The following ZNF614 variants were observed in gnomAD, a reference collection of about 807,000 sequenced individuals.
ZNF614 encodes zinc finger protein 614.
In ZNF614, 11 loss-of-function variants were observed where a neutral mutation model predicts 12.8. The observed-to-expected ratio is 0.86, with a 90% CI of 0.54 to 1.43. ZNF614 has a LOEUF of 1.43. Among genes scored for constraint, ZNF614 ranks in the 40% most tolerant of loss-of-function variants. The pLI is 0.00. For synonymous variants in ZNF614, 237 were observed against 237.5 expected, an observed-to-expected ratio of 1.00 and a Z score of 0.02; for missense variants, 664 against 708.8, an observed-to-expected ratio of 0.94 and a Z score of 0.72.
At chr19:52,023,786 C>G (rs1054262996) in intron 2 of ZNF614, among the ~76,000 whole-genome samples, 12 of 152,142 alleles carry the variant, frequency 7.9e-5, no homozygotes, top group African/African-American at 2.9e-4. Context: ...TTTGGAATTG[C>G]TGAAGTGTCT....
chr19:52,018,347 A>C, intron 3 of ZNF614, 21 bp downstream of exon 3: 1 of 1,613,886 alleles, frequency 6.2e-7, no homozygotes, highest in Non-Finnish European at 8.5e-7. Flanking sequence ...CCTCTAGGTG[A>C]CACAGGGAAA....
At position 52,016,279 on chromosome 19, in the gene ZNF614, C is replaced by T. The variant is rs1271607297; in HGVS notation, c.1319G>A (p.Arg440His). The T allele has an allele frequency of 5.6e-6, 9 of 1,613,672 alleles. No individual in the cohort carries two copies. Among genetic ancestry groups the T allele is most frequent in the East Asian group, 2.2e-5 (1 of 44,836 alleles). ...NECGKGFTTK[R>H]TLIIHQRTHT... ...AGTTCGCTGATGTATAATAAGAGTG[C>T]GCTTTGTGGTGAAGCCTTTACCACA... The change falls in exon 5 of 5, where the codon CGC becomes CAC. Residue 440 changes from arginine to histidine, a missense_variant. Arg to His is a conservative substitution (Grantham distance 29, BLOSUM62 0). Transcript: ENST00000270649.
chr19:52,026,777 A>C (rs1053962233), intron 1 of ZNF614, among the ~76,000 whole-genome samples: 2 of 152,318 alleles, frequency 1.3e-5, no homozygotes, highest in Admixed American at 6.5e-5. Flanking sequence ...AGATAGGAGA[A>C]AACCGCCTTA....
At chr19:52,019,159 A>G (rs1420099207) in intron 2 of ZNF614, among the ~76,000 whole-genome samples, 1 of 152,194 alleles carries the variant, frequency 6.6e-6, no homozygotes, top group Non-Finnish European at 1.5e-5. Flanking sequence ...AGCAAAAAAA[A>G]ACTTCTAACA....
Position 52,015,636 on chromosome 19 carries a change from G to C in ZNF614, c.*204C>G. On this transcript the variant is annotated 3_prime_UTR_variant, in exon 5 of 5. Transcript: ENST00000270649. Reference sequence around the variant, plus strand: ...AATATGAGGTAAAAGACCACTAAAGGCACTACCTTATTTACTGTATTCATC... The same window carrying C: ...AATATGAGGTAAAAGACCACTAAAGCCACTACCTTATTTACTGTATTCATC... 1 of 513,114 alleles carries C rather than the reference G, an allele frequency of 1.9e-6. No homozygotes were observed. Among genetic ancestry groups the C allele is most frequent in the Non-Finnish European group, 3.4e-6 (1 of 290,688 alleles). 31.8% of individuals were successfully genotyped at this position (513,114 alleles called of 1,614,324 possible). A position where few individuals can be genotyped will look rare whatever the true frequency, so the allele number is the denominator to read the frequency against.
At position 52,015,123 on chromosome 19, in the gene ZNF614, A is replaced by T. The variant is rs1290263772; in HGVS notation, c.*717T>A. 6.6e-6 allele frequency: 1 copy of T among 152,186 alleles called. No individual in the cohort carries two copies. The highest frequency in any genetic ancestry group is 6.5e-5 in the Admixed American group (1 of 15,268). 9.4% of individuals were successfully genotyped at this position (152,186 alleles called of 1,614,324 possible). A position where few individuals can be genotyped will look rare whatever the true frequency, so the allele number is the denominator to read the frequency against. On this transcript the variant is annotated 3_prime_UTR_variant, in exon 5 of 5. Transcript: ENST00000270649. ...AAATGCACACCAGGTGTATTAGCTG[A>T]TGTTTAAGGTTATACTTATTAAGAA...
intron 1 of ZNF614, among the ~76,000 whole-genome samples, chr19:52,027,226 A>C (rs2123131595): frequency 6.6e-6 from 1 of 152,344 alleles, no homozygotes; most frequent in South Asian, 2.1e-4. Context: ...GGCTCCAAGA[A>C]TGTCTTTAAA....
In ZNF614 at chr19:52,014,488, G is replaced by GTTTGATAATT. The variant is rs1159157051; in HGVS notation, c.*1342_*1351dup. ...TCCGAGTTCCCACTGCCCTACTCAG[G>GTTTGATAATT]TTTGATAATTTGCTACAGGGCTCAC... On this transcript the variant is annotated 3_prime_UTR_variant, in exon 5 of 5. Coordinates refer to ENST00000270649, the MANE Select transcript of ZNF614 (RefSeq NM_025040.4). 6.6e-6 allele frequency: 1 copy of GTTTGATAATT among 152,118 alleles called. No individual in the cohort carries two copies. The highest frequency in any genetic ancestry group is 1.5e-5 in the Non-Finnish European group (1 of 68,022). The allele number at this position is 152,118 out of a possible 1,614,324, so 9.4% of individuals were successfully genotyped here.
chr19:52,026,780 C>A (rs751588729), intron 1 of ZNF614, among the ~76,000 whole-genome samples: 1 of 152,216 alleles, frequency 6.6e-6, no homozygotes, highest in African/African-American at 2.4e-5. Context: ...TAGGAGAAAA[C>A]CGCCTTAGGG....
chr19:52,023,712 G>A (rs79463212), intron 2 of ZNF614, among the ~76,000 whole-genome samples: 239 of 152,246 alleles, frequency 1.6e-3, no homozygotes, highest in African/African-American at 5.5e-3. Context: ...ATACTTATCC[G>A]TGTCACTTTC....
chr19:52,026,642 T>C (rs1370825605), intron 1 of ZNF614, among the ~76,000 whole-genome samples: 1 of 152,126 alleles, frequency 6.6e-6, no homozygotes, highest in Non-Finnish European at 1.5e-5. Flanking sequence ...GGGTCTCTGC[T>C]GAGGAGGATC....
intron 2 of ZNF614, among the ~76,000 whole-genome samples, chr19:52,025,431 C>T (rs1464082144): frequency 6.6e-6 from 1 of 152,122 alleles, no homozygotes; most frequent in East Asian, 1.9e-4. Context: ...AGCAATTCTT[C>T]TCCCACCTTA....
rs182429124 is a variant in ZNF614 at position 52,016,098 on chromosome 19, G to A, written c.1500C>T (p.Thr500=). Reference sequence around the variant, plus strand: ...TCTCTCCTGTGTGAATTCTCTGATGGGTAATGAGGCCATATTTGTGTGAAT... The same window carrying A: ...TCTCTCCTGTGTGAATTCTCTGATGAGTAATGAGGCCATATTTGTGTGAAT... ...KSYSHKYGLI[T]HQRIHTGEKP... is the part of the protein sequence containing the mutation. The change falls in exon 5 of 5, where the codon ACC becomes ACT. Residue 500 remains threonine, a synonymous_variant. Coordinates refer to ENST00000270649, the MANE Select transcript of ZNF614 (RefSeq NM_025040.4). 1 of 1,612,980 alleles carries A rather than the reference G, an allele frequency of 6.2e-7. No individual in the cohort carries two copies. Among genetic ancestry groups the A allele is most frequent in the East Asian group, 2.2e-5 (1 of 44,770 alleles).
chr19:52,016,119 T>C lies in ZNF614; in HGVS notation c.1479A>G (p.Ser493=), dbSNP rs201885469. 1 of 1,614,066 alleles carries C rather than the reference T, an allele frequency of 6.2e-7. No individual in the cohort carries two copies. The highest frequency in any genetic ancestry group is 8.5e-7 in the Non-Finnish European group (1 of 1,180,000). The part of the protein sequence containing the change: ...FVCTECGKSY[S]HKYGLITHQR... ...GATGGGTAATGAGGCCATATTTGTG[T>C]GAATAGGATTTTCCGCACTCGGTAC... Residue 493 remains serine, a synonymous_variant, in exon 5 of 5, where the codon TCA becomes TCG. Coordinates refer to ENST00000270649, the MANE Select transcript of ZNF614 (RefSeq NM_025040.4).
chr19:52,018,090 G>A lies in ZNF614; in HGVS notation c.156C>T (p.Ser52=). The change falls in exon 4 of 5, where the codon AGC becomes AGT. Residue 52 remains serine, a synonymous_variant. Transcript: ENST00000270649. ...NHLVSLGYQT[S]KPDVLSKLAH... ...CCAACTTGGAGAGTACATCTGGTTT[G>A]CTAGTTTGATACCCTGTTCATGAGG... 6.2e-7 allele frequency: 1 copy of A among 1,613,964 alleles called. No individual in the cohort carries two copies. Among genetic ancestry groups the A allele is most frequent in the Non-Finnish European group, 8.5e-7 (1 of 1,179,922 alleles).
At chr19:52,018,142 G>C in intron 3 of ZNF614, 39 bp from the exon 4 acceptor site, 1 of 1,544,362 alleles carries the variant, frequency 6.5e-7, no homozygotes, top group South Asian at 1.1e-5. Flanking sequence ...ATCCTGAATT[G>C]GAGTCCAGTA....
intron 2 of ZNF614, among the ~76,000 whole-genome samples, chr19:52,023,599 CACA>C (rs1161141780): frequency 6.6e-6 from 1 of 152,084 alleles, no homozygotes; most frequent in Non-Finnish European, 1.5e-5. Context: ...TCAGGTGTAT[CACA>C]GGGTTTCCTT....
intron 1 of ZNF614, among the ~76,000 whole-genome samples, chr19:52,026,274 G>C (rs1308914504): frequency 6.6e-6 from 1 of 152,192 alleles, no homozygotes; most frequent in Non-Finnish European, 1.5e-5. Flanking sequence ...GACATAAGAG[G>C]CTCCATTTTG....
chr19:52,018,277 C>A lies in ZNF614; in HGVS notation c.142+91G>T. The A allele has an allele frequency of 1.9e-6, 3 of 1,596,024 alleles. No individual in the cohort carries two copies. The South Asian group carries it at 3.3e-5, about 18-fold the overall frequency. ...CTGAAAATGTAACTCTTCCAAACAC[C>A]ACAGTGACTGTAAAGCTTTGATTAG... On this transcript the variant is annotated intron_variant, in intron 3 of 4. Coordinates refer to ENST00000270649, the MANE Select transcript of ZNF614 (RefSeq NM_025040.4).
Sources: gnomAD v4.1 joint callset for allele counts (sites outside exome capture counted in the v4.1 genomes callset) on GRCh38, gnomAD v4.1.1 for gene constraint, MANE v1.5 for transcripts, NCBI Gene and HGNC (gene_info 2026-07-23, HGNC 2026-07-21) for gene names.